The following VAV2 variants were observed in gnomAD, a reference collection of about 807,000 sequenced individuals.
VAV2 encodes the protein guanine nucleotide exchange factor VAV2.
Under a neutral mutation model 132.5 loss-of-function variants are expected in VAV2, and 67 were observed. That is an observed-to-expected ratio of 0.51 (90% CI 0.42 to 0.62). The LOEUF is 0.62. Among genes scored for constraint, VAV2 ranks in the 20% least tolerant of loss-of-function variants. The pLI is 0.00. For synonymous variants in VAV2, 492 were observed against 443.5 expected, an observed-to-expected ratio of 1.11 and a Z score of -1.37; for missense variants, 938 against 1,153.6, an observed-to-expected ratio of 0.81 and a Z score of 2.71.
In VAV2 at chr9:133,826,752, T is replaced by C. The variant is rs1206821521; in HGVS notation, c.449+7520A>G. ...AGTGGGAGCTTTCAAATTTCTCCCGTGTCCCTTCAATTCCCCTAAGAATTC... is the reference window on the plus strand; with the variant it reads ...AGTGGGAGCTTTCAAATTTCTCCCGCGTCCCTTCAATTCCCCTAAGAATTC... On this transcript the variant is annotated intron_variant, in intron 4 of 29. Transcript: ENST00000371850. This position sits in a 1 kb window ranked among gnomAD's most constrained non-coding sequence, Gnocchi z 4.2. Among the ~76,000 whole-genome samples the C allele has an allele frequency of 6.6e-6, 1 of 152,186 alleles. No homozygotes were observed. The highest frequency in any genetic ancestry group is 2.4e-5 in the African/African-American group (1 of 41,450).
intron 3 of VAV2, 124 bp downstream of exon 3, chr9:133,861,250 C>A (rs1837582021): frequency 9.0e-7 from 1 of 1,111,528 alleles, no homozygotes; most frequent in Non-Finnish European, 1.2e-6. Flanking sequence ...CAACACGCTG[C>A]AAATGCATGA....
chr9:133,863,606 C>T lies in VAV2; in HGVS notation c.322-2174G>A, dbSNP rs1002465434. Among the ~76,000 whole-genome samples, 4 of 152,154 alleles carry T rather than the reference C, an allele frequency of 2.6e-5. No individual in the cohort carries two copies. Among genetic ancestry groups the T allele is most frequent in the African/African-American group, 9.7e-5 (4 of 41,432 alleles). Reference sequence around the variant, plus strand: ...TTGGGGCGCTTTGCCCCAGGATGAACGTGTCACGAGCAGCTGATGAAGGGC... The same window carrying T: ...TTGGGGCGCTTTGCCCCAGGATGAATGTGTCACGAGCAGCTGATGAAGGGC... On this transcript the variant is annotated intron_variant, in intron 2 of 29. Coordinates refer to ENST00000371850, the MANE Select transcript of VAV2 (RefSeq NM_001134398.2). The surrounding 1 kb of genome is among the most constrained non-coding windows in gnomAD (Gnocchi z 5.0).
intron 10 of VAV2, among the ~76,000 whole-genome samples, 175 bp from the exon 11 acceptor site, chr9:133,796,699 G>T (rs931223376): frequency 1.3e-5 from 2 of 152,274 alleles, no homozygotes; most frequent in Admixed American, 6.5e-5. Flanking sequence ...GTGCAGAGGG[G>T]GGGGCTTCAC....
At chr9:133,986,953 T>C (rs541427344) in intron 1 of VAV2, among the ~76,000 whole-genome samples, 260 of 152,128 alleles carry the variant, frequency 1.7e-3, no homozygotes, top group African/African-American at 5.7e-3. Flanking sequence ...CTCCCTCCCC[T>C]TGGAGGCACA....
intron 13 of VAV2, among the ~76,000 whole-genome samples, chr9:133,790,635 G>T (rs141362611): frequency 0.014 from 2,154 of 152,350 alleles, 28 homozygotes; most frequent in Middle Eastern, 0.037. Context: ...TGATGGTGCA[G>T]GGTGCGGCCG....
At chr9:133,789,596 G>T (rs1436274645) in intron 13 of VAV2, among the ~76,000 whole-genome samples, 1 of 152,226 alleles carries the variant, frequency 6.6e-6, no homozygotes, top group East Asian at 1.9e-4. Flanking sequence ...GCTCCCTTCA[G>T]CTCTGGGGAC....
chr9:133,889,070 G>A (rs1220905740), intron 2 of VAV2, among the ~76,000 whole-genome samples: 1 of 152,184 alleles, frequency 6.6e-6, no homozygotes, highest in African/African-American at 2.4e-5. Flanking sequence ...CCTGAGGCAG[G>A]TCCGGCAGGG....
At chr9:133,965,708 C>T (rs530022661) in intron 1 of VAV2, among the ~76,000 whole-genome samples, 1 of 152,170 alleles carries the variant, frequency 6.6e-6, no homozygotes, top group South Asian at 2.1e-4. Context: ...ACCACACTAC[C>T]AAAATATCTA....
chr9:133,871,436 T>TG (rs1554796203), intron 2 of VAV2, among the ~76,000 whole-genome samples: 2,023 of 135,494 alleles, frequency 0.015, 52 homozygotes, highest in African/African-American at 0.051. Context: ...ATGGATGGAT[T>TG]GATTGATGGA....
At chr9:133,820,247 C>A (rs1564377616) in intron 4 of VAV2, among the ~76,000 whole-genome samples, 1 of 152,222 alleles carries the variant, frequency 6.6e-6, no homozygotes, top group Admixed American at 6.5e-5. Context: ...TTTCCTTTGG[C>A]CATCACCGAC....
chr9:133,989,729 C>A (rs1426866273), intron 1 of VAV2, among the ~76,000 whole-genome samples: 6 of 152,234 alleles, frequency 3.9e-5, no homozygotes, highest in Admixed American at 6.5e-5. Context: ...CAAACACCAG[C>A]CACACAGAGA....
chr9:133,987,160 G>A (rs1445941882), intron 1 of VAV2, among the ~76,000 whole-genome samples: 1 of 152,176 alleles, frequency 6.6e-6, no homozygotes, highest in African/African-American at 2.4e-5. Context: ...CCACACAAAG[G>A]TGCTCCAGAC....
In VAV2 at chr9:133,824,996, C is replaced by T. The variant is rs1835928776; in HGVS notation, c.449+9276G>A. Among the ~76,000 whole-genome samples the T allele has an allele frequency of 6.6e-6, 1 of 152,228 alleles. No homozygotes were observed. Among genetic ancestry groups the T allele is most frequent in the African/African-American group, 2.4e-5 (1 of 41,456 alleles). On this transcript the variant is annotated intron_variant, in intron 4 of 29. Transcript: ENST00000371850. The surrounding 1 kb of genome is among the most constrained non-coding windows in gnomAD (Gnocchi z 5.2). ...GCCAGTCCCCACAGAGGCCTGGCCT[C>T]ACAGAGTCACACCGAGGAGCAAGAG...
Position 133,969,782 on chromosome 9 carries a change from C to T in VAV2, c.204+22293G>A, listed in dbSNP as rs557080824. 2.0e-5 allele frequency among the ~76,000 whole-genome samples: 3 copies of T among 152,242 alleles called. No individual in the cohort carries two copies. Among genetic ancestry groups the T allele is most frequent in the South Asian group, 2.1e-4 (1 of 4,820 alleles). ...CTCTCCATTCCCACTTCTCTCCCCA[C>T]CCCCCAGCCTGGACACCCCCATCTG... On this transcript the variant is annotated intron_variant, in intron 1 of 29. Transcript: ENST00000371850. The surrounding 1 kb of genome is among the most constrained non-coding windows in gnomAD (Gnocchi z 5.1).
intron 2 of VAV2, among the ~76,000 whole-genome samples, chr9:133,876,755 T>TGGACACAGCCAGAGA (rs928524339): frequency 6.6e-6 from 1 of 152,142 alleles, no homozygotes; most frequent in Non-Finnish European, 1.5e-5. Context: ...GCCACAGGGA[T>TGGACACAGCCAGAGA]GGACACAGCC....
chr9:133,925,103 A>G (rs1840426788), intron 2 of VAV2, among the ~76,000 whole-genome samples: 1 of 152,274 alleles, frequency 6.6e-6, no homozygotes, highest in South Asian at 2.1e-4. Flanking sequence ...CAGGGTGATG[A>G]AAAAATTCCA....
chr9:133,898,262 C>T (rs1159263295), intron 2 of VAV2, among the ~76,000 whole-genome samples: 2 of 152,120 alleles, frequency 1.3e-5, no homozygotes, highest in Non-Finnish European at 2.9e-5. Flanking sequence ...CTGAGTCCAG[C>T]GCTTTCTCCA....
Position 133,992,176 on chromosome 9 carries a change from G to C in VAV2, c.103C>G (p.Gln35Glu). 6.3e-7 allele frequency: 1 copy of C among 1,599,956 alleles called. No individual in the cohort carries two copies. Among genetic ancestry groups the C allele is most frequent in the South Asian group, 1.1e-5 (1 of 89,710 alleles). ...AGAAGGACCCCGTCGCGCAGCGCCTGCGCCAGGTCGAAGACCACGGCCGAG... is the reference window on the plus strand; with the variant it reads ...AGAAGGACCCCGTCGCGCAGCGCCTCCGCCAGGTCGAAGACCACGGCCGAG... Reference protein sequence around the residue: ...WPSAVVFDLAQALRDGVLLCQ... With the variant: ...WPSAVVFDLAEALRDGVLLCQ... Residue 35 changes from glutamine (Q) to glutamate (E), a missense_variant, in exon 1 of 30, where the codon CAG becomes GAG. Transcript: ENST00000371850. This position sits in a 1 kb window ranked among gnomAD's most constrained non-coding sequence, Gnocchi z 5.5.
At chr9:133,940,497 G>A (rs1841098591) in intron 1 of VAV2, among the ~76,000 whole-genome samples, 1 of 152,046 alleles carries the variant, frequency 6.6e-6, no homozygotes, top group Non-Finnish European at 1.5e-5. Flanking sequence ...GGGAGCGGAG[G>A]GTCCCCCAGC....
Sources: allele counts gnomAD v4.1 joint callset (sites outside exome capture counted in the v4.1 genomes callset), GRCh38; gene constraint gnomAD v4.1.1; non-coding constraint Gnocchi (gnomAD v3.1); transcripts MANE v1.5; gene names NCBI Gene and HGNC (gene_info 2026-07-23, HGNC 2026-07-21).